The following SEL1L2 variants were observed in gnomAD, a reference collection of about 807,000 sequenced individuals.
The protein encoded by SEL1L2 is SEL1L2 adaptor subunit of SYVN1 ubiquitin ligase.
In SEL1L2, 89 loss-of-function variants were observed where a neutral mutation model predicts 98.8. The ratio of observed to expected loss-of-function variants is 0.90; its 90% CI spans 0.76 to 1.07. SEL1L2 has a LOEUF of 1.07. SEL1L2 is among the 50% of genes least tolerant of loss of function. The pLI, the probability that SEL1L2 is intolerant of heterozygous loss-of-function variation, is 0.00. For synonymous variants in SEL1L2, 262 were observed against 278.5 expected (o/e 0.94, Z 0.59); for missense variants, 788 against 812.0 (o/e 0.97, Z 0.36).
At chr20:13,945,540 C>T (rs2049969747) in intron 2 of SEL1L2, among the ~76,000 whole-genome samples, 1 of 151,468 alleles carries the variant, frequency 6.6e-6, no homozygotes, top group Non-Finnish European at 1.5e-5. Flanking sequence ...TGAATTCTGC[C>T]TCACACTCTT....
chr20:13,979,496 T>C (rs1042565152), intron 1 of SEL1L2, among the ~76,000 whole-genome samples: 1 of 152,220 alleles, frequency 6.6e-6, no homozygotes. Context: ...TACTGAAGTA[T>C]CACTCTGCAT....
At chr20:13,904,796 A>G (rs2047846503) in intron 5 of SEL1L2, among the ~76,000 whole-genome samples, 1 of 152,206 alleles carries the variant, frequency 6.6e-6, no homozygotes. Flanking sequence ...TCAATTTAGA[A>G]TCTAATTTAG....
intron 3 of SEL1L2, among the ~76,000 whole-genome samples, chr20:13,929,766 C>T (rs2049058491): frequency 6.6e-6 from 1 of 150,532 alleles, no homozygotes; most frequent in African/African-American, 2.4e-5. Context: ...TCCCAAAGTG[C>T]TGGGATTATA....
At chr20:13,928,954 A>G (rs2049009977) in intron 3 of SEL1L2, among the ~76,000 whole-genome samples, 1 of 152,220 alleles carries the variant, frequency 6.6e-6, no homozygotes, top group Non-Finnish European at 1.5e-5. Flanking sequence ...TTATCCAAAC[A>G]GGAATCTAGT....
intron 10 of SEL1L2, among the ~76,000 whole-genome samples, chr20:13,880,266 A>G (rs6110079): frequency 0.038 from 5,718 of 152,316 alleles, 152 homozygotes; most frequent in Middle Eastern, 0.065. Context: ...AAAAAGTTTC[A>G]TTCTGGGAAA....
chr20:13,953,989 A>C (rs540860731), intron 2 of SEL1L2, among the ~76,000 whole-genome samples: 1 of 152,354 alleles, frequency 6.6e-6, no homozygotes, highest in African/African-American at 2.4e-5. Context: ...GAAATAGCAC[A>C]CAGAACTCCT....
intron 12 of SEL1L2, among the ~76,000 whole-genome samples, chr20:13,872,791 C>T (rs534871941): frequency 6.6e-6 from 1 of 152,002 alleles, no homozygotes; most frequent in South Asian, 2.1e-4. Flanking sequence ...CGAAGAGTGG[C>T]CAGTTCAGAC....
At chr20:13,858,186 C>T (rs1456312477) in intron 18 of SEL1L2, among the ~76,000 whole-genome samples, 1 of 152,146 alleles carries the variant, frequency 6.6e-6, no homozygotes, top group Admixed American at 6.5e-5. Flanking sequence ...CTTCACTGTG[C>T]ACCACTAGCA....
rs192594605 is a variant in SEL1L2 at position 13,890,470 on chromosome 20, G to C, written c.550-1958C>G. The stretch of plus-strand genomic sequence containing the variant: ...CCAGAGAAGATGCATCCCCAGAAAA[G>C]GTTCAAGAAGCTCTCAGAATTTTTA... On this transcript the variant is annotated intron_variant, in intron 5 of 19. Transcript: ENST00000284951. Among the ~76,000 whole-genome samples the C allele has an allele frequency of 6.7e-4, 102 of 152,126 alleles. 1 individual carries two copies. Among genetic ancestry groups the C allele is most frequent in the African/African-American group, 2.4e-3 (100 of 41,512 alleles).
At position 13,850,307 on chromosome 20, in the gene SEL1L2, C is replaced by A. The variant is rs757712501; in HGVS notation, c.1831G>T (p.Ala611Ser). The A allele has an allele frequency of 6.2e-6, 10 of 1,613,836 alleles. No homozygotes were observed. The highest frequency in any genetic ancestry group is 2.2e-5 in the East Asian group (1 of 44,896). Residue 611 changes from alanine (A) to serine (S), a missense_variant, in exon 19 of 20, where the codon GCC becomes TCC. Transcript: ENST00000284951. ...GCAGCCATGTCGTACAATCTTCTGG[C>A]CAAGTGAATGTCCTAGAAGGAGAAG... ...GLGITKDIHL[A>S]RRLYDMAAQT...
chr20:13,900,251 T>G (rs185500284), intron 5 of SEL1L2, among the ~76,000 whole-genome samples: 2 of 152,376 alleles, frequency 1.3e-5, no homozygotes, highest in East Asian at 3.9e-4. Flanking sequence ...TTATTTCATC[T>G]AGATTTTAAT....
rs957796231 is a variant in SEL1L2 at position 13,865,235 on chromosome 20, G to A, written c.1577C>T (p.Ala526Val). The change falls in exon 17 of 20, where the codon GCT (alanine) becomes GTT (valine). Residue 526 changes from alanine (A) to valine (V), a missense_variant. Physicochemically the swap from Ala to Val is moderately conservative, Grantham distance 64. Transcript: ENST00000284951. ...CATCTTCTCTTTTTCAAGAATGTTA[G>A]CCTTTTCTAAAAAGAGGAGACATTC... ...NSAFILESKKANILEKEKMYP... is the reference protein window; with the variant it reads ...NSAFILESKKVNILEKEKMYP... 18 of 1,613,290 alleles carry A rather than the reference G, an allele frequency of 1.1e-5. No homozygotes were observed. Among genetic ancestry groups the A allele is most frequent in the Non-Finnish European group, 1.5e-5 (18 of 1,179,480 alleles).
chr20:13,992,518 G>T (rs535975998), upstream of SEL1L2, among the ~76,000 whole-genome samples: 1 of 152,062 alleles, frequency 6.6e-6, no homozygotes, highest in South Asian at 2.1e-4. Context: ...AAAGAAAAAG[G>T]CTATATGGTG....
intron 3 of SEL1L2, among the ~76,000 whole-genome samples, chr20:13,924,452 G>T (rs2048795508): frequency 6.6e-6 from 1 of 150,892 alleles, no homozygotes; most frequent in Middle Eastern, 3.2e-3. Flanking sequence ...AAGAGACAGG[G>T]TCTCACTCTG....
intron 2 of SEL1L2, among the ~76,000 whole-genome samples, chr20:13,955,154 C>G (rs896934792): frequency 6.6e-6 from 1 of 152,036 alleles, no homozygotes; most frequent in Admixed American, 6.6e-5. Context: ...CAAACAAAAC[C>G]CTTGCTCTCA....
chr20:13,895,077 TG>T (rs1395810187), intron 5 of SEL1L2, among the ~76,000 whole-genome samples: 1 of 152,158 alleles, frequency 6.6e-6, no homozygotes, highest in Non-Finnish European at 1.5e-5. Flanking sequence ...ACTGAATTCA[TG>T]GCACATTAAA....
intron 17 of SEL1L2, among the ~76,000 whole-genome samples, chr20:13,861,452 T>C (rs1277954177): frequency 2.6e-5 from 4 of 151,696 alleles, no homozygotes; most frequent in African/African-American, 9.7e-5. Flanking sequence ...GCATGATATA[T>C]ATATATGTAT....
At chr20:13,874,126 G>A (rs2046326299) in intron 12 of SEL1L2, among the ~76,000 whole-genome samples, 1 of 152,194 alleles carries the variant, frequency 6.6e-6, no homozygotes, top group Non-Finnish European at 1.5e-5. Flanking sequence ...GGACGGGCCT[G>A]ACATGCTCAG....
At chr20:13,952,041 C>G (rs1459738129) in intron 2 of SEL1L2, among the ~76,000 whole-genome samples, 1 of 152,174 alleles carries the variant, frequency 6.6e-6, no homozygotes, top group Non-Finnish European at 1.5e-5. Context: ...AGGGAGCTAA[C>G]CAAAGCCAAG....
Sources: gnomAD v4.1 joint callset for allele counts (sites outside exome capture counted in the v4.1 genomes callset) on GRCh38, gnomAD v4.1.1 for gene constraint, MANE v1.5 for transcripts, NCBI Gene and HGNC (gene_info 2026-07-23, HGNC 2026-07-21) for gene names.